The following TCERG1 variants were observed in gnomAD, a reference collection of about 807,000 sequenced individuals.
The protein encoded by TCERG1 is transcription elongation regulator 1.
In TCERG1, 37 loss-of-function variants were observed where a neutral mutation model predicts 144.7. The ratio of observed to expected loss-of-function variants is 0.26; its 90% CI spans 0.20 to 0.34. The LOEUF (loss-of-function observed/expected upper bound fraction) is 0.34, where lower values mean the gene tolerates loss of function less well. TCERG1 is among the 10% of genes least tolerant of loss of function. The probability of loss-of-function intolerance (pLI) is 1.00; values close to 1 mark genes in which losing one functional copy is unlikely to be tolerated. For synonymous variants in TCERG1, 492 were observed against 458.2 expected (o/e 1.07, Z -0.94); for missense variants, 1,027 against 1,380.7 (o/e 0.74, Z 4.06).
intron 17 of TCERG1, among the ~76,000 whole-genome samples, chr5:146,501,827 A>G (rs906700854): frequency 6.6e-6 from 1 of 150,716 alleles, no homozygotes; most frequent in Non-Finnish European, 1.5e-5. Flanking sequence ...AACATTTCTG[A>G]TGCAGATATT....
chr5:146,506,687 T>C (rs1000570099), intron 19 of TCERG1, among the ~76,000 whole-genome samples: 15 of 152,234 alleles, frequency 9.9e-5, no homozygotes, highest in Non-Finnish European at 1.6e-4. Context: ...CCCTAGACTT[T>C]GGTGACCATC....
chr5:146,494,908 C>T (rs563634702), intron 16 of TCERG1, among the ~76,000 whole-genome samples: 1 of 152,118 alleles, frequency 6.6e-6, no homozygotes, highest in South Asian at 2.1e-4. Flanking sequence ...TACTTCCTTC[C>T]AAAATATTTT....
chr5:146,487,726 T>G (rs1432316581), intron 15 of TCERG1, among the ~76,000 whole-genome samples: 1 of 127,970 alleles, frequency 7.8e-6, no homozygotes, highest in East Asian at 4.6e-4. Flanking sequence ...AACAAGACCC[T>G]GTTTCAAAAA....
At chr5:146,454,800 G>A (rs1717396680) in intron 1 of TCERG1, among the ~76,000 whole-genome samples, 1 of 152,100 alleles carries the variant, frequency 6.6e-6, no homozygotes, top group Non-Finnish European at 1.5e-5. Flanking sequence ...GTTTCACCAT[G>A]TTGTCGAGGT....
intron 9 of TCERG1, among the ~76,000 whole-genome samples, chr5:146,474,986 TTTTTTCTC>T (rs1389134319): frequency 6.6e-6 from 1 of 152,196 alleles, no homozygotes; most frequent in East Asian, 1.9e-4. Context: ...GTCTACTTCT[TTTTTTCTC>T]TTATCTTGTT....
At chr5:146,462,274 G>A (rs554021923) in intron 4 of TCERG1, among the ~76,000 whole-genome samples, 1 of 152,240 alleles carries the variant, frequency 6.6e-6, no homozygotes, top group East Asian at 1.9e-4. Flanking sequence ...GATTGGGAAA[G>A]CACTGTTTTC....
At chr5:146,499,999 CT>C (rs1767285147) in intron 17 of TCERG1, 1 of 151,530 alleles carries the variant, frequency 6.6e-6, no homozygotes. Context: ...AGTCTTTTTC[CT>C]TATGAAGTGA....
At chr5:146,509,285 T>TTTGTTTTTTCTG in intron 22 of TCERG1, 40 bp downstream of exon 22, 1 of 1,233,088 alleles carries the variant, frequency 8.1e-7, no homozygotes, top group Non-Finnish European at 1.2e-6. Context: ...AGTCATTCTC[T>TTTGTTTTTTCTG]TTACTAGTCT....
intron 7 of TCERG1, 95 bp from the exon 8 acceptor site, chr5:146,470,541 C>A: frequency 1.0e-6 from 1 of 982,414 alleles, no homozygotes; most frequent in Non-Finnish European, 1.5e-6. Flanking sequence ...ATGGTTAATA[C>A]TTGGGAATGG....
chr5:146,471,401 C>A, intron 8 of TCERG1, 87 bp from the exon 9 acceptor site: 1 of 1,188,846 alleles, frequency 8.4e-7, no homozygotes, highest in Non-Finnish European at 1.2e-6. Context: ...GTGTTGATTG[C>A]ACTTTGAGCT....
chr5:146,507,176 A>G lies in TCERG1; in HGVS notation c.2930A>G (p.His977Arg). The part of the protein sequence containing the change: ...IEALTKKKRE[H>R]FRQLLDETSA... ...GCACTTACCAAAAAAAAGAGAGAGC[A>G]CTTTAGGCAACTTCTGGATGAAACT... The change falls in exon 20 of 23, where the codon CAC becomes CGC. Residue 977 changes from histidine to arginine, a missense_variant. Physicochemically the swap from His to Arg is conservative, Grantham distance 29. Around this residue, in one of 6 missense-constraint regions of TCERG1, gnomAD observed 133 missense variants for 283.2 expected, o/e 0.47. Coordinates refer to ENST00000679501, the MANE Select transcript of TCERG1 (RefSeq NM_001382548.1). This position sits in a 1 kb window ranked among gnomAD's most constrained non-coding sequence, Gnocchi z 4.6. The G allele has an allele frequency of 6.2e-7, 1 of 1,603,294 alleles. No homozygotes were observed. The highest frequency in any genetic ancestry group is 8.5e-7 in the Non-Finnish European group (1 of 1,177,236).
chr5:146,486,988 G>A (rs1319423901), intron 15 of TCERG1, among the ~76,000 whole-genome samples: 1 of 152,104 alleles, frequency 6.6e-6, no homozygotes, highest in Non-Finnish European at 1.5e-5. Context: ...TAGTTAGGTG[G>A]CTGAGGCACA....
chr5:146,475,810 T>C (rs1764790486), intron 9 of TCERG1, among the ~76,000 whole-genome samples: 1 of 152,218 alleles, frequency 6.6e-6, no homozygotes, highest in Admixed American at 6.5e-5. Context: ...CTTCCCCTTA[T>C]CACCATTGGT....
intron 3 of TCERG1, 68 bp from the exon 4 acceptor site, chr5:146,458,816 G>A: frequency 6.5e-7 from 1 of 1,532,330 alleles, no homozygotes; most frequent in Non-Finnish European, 8.8e-7. Context: ...ATAAAATATG[G>A]TTCCATTCTT....
chr5:146,457,592 C>G (rs1303929077), intron 3 of TCERG1, among the ~76,000 whole-genome samples: 1 of 152,238 alleles, frequency 6.6e-6, no homozygotes, highest in Non-Finnish European at 1.5e-5. Context: ...CTAGCACATA[C>G]CAAATTCCAG....
At chr5:146,482,400 C>A in intron 13 of TCERG1, 192 bp from the exon 14 acceptor site, 1 of 424,146 alleles carries the variant, frequency 2.4e-6, no homozygotes, top group East Asian at 3.8e-5. Context: ...TCATTAGAAG[C>A]CCATTTTAAT....
chr5:146,468,049 A>G (rs373649229), intron 5 of TCERG1, among the ~76,000 whole-genome samples: 1 of 152,158 alleles, frequency 6.6e-6, no homozygotes, highest in African/African-American at 2.4e-5. Flanking sequence ...TTTGTTATGT[A>G]TGTGTAATGA....
intron 19 of TCERG1, among the ~76,000 whole-genome samples, chr5:146,505,088 A>AT (rs1491458814): frequency 1.7e-5 from 1 of 60,136 alleles, no homozygotes; most frequent in Non-Finnish European, 3.2e-5. Flanking sequence ...CCAATGAGCT[A>AT]AAAAAAAAAA....
intron 9 of TCERG1, 130 bp downstream of exon 9, chr5:146,471,706 C>T (rs1764324794): frequency 1.7e-6 from 1 of 600,528 alleles, no homozygotes; most frequent in Admixed American, 3.1e-5. Context: ...TCAAGCGATT[C>T]TCCTGCCTCA....
Sources: gnomAD v4.1 joint callset for allele counts (sites outside exome capture counted in the v4.1 genomes callset) on GRCh38, gnomAD v4.1.1 for gene constraint, gnomAD v4.1.1 regional missense constraint, Gnocchi (gnomAD v3.1) non-coding constraint, MANE v1.5 for transcripts, NCBI Gene and HGNC (gene_info 2026-07-23, HGNC 2026-07-21) for gene names.